The following CDK13 variants were observed in gnomAD, a reference collection of about 807,000 sequenced individuals.
CDK13 encodes cyclin dependent kinase 13.
Under a neutral mutation model 137.6 loss-of-function variants are expected in CDK13, and 40 were observed. That is an observed-to-expected ratio of 0.29 (90% CI 0.23 to 0.38). The LOEUF (loss-of-function observed/expected upper bound fraction) is 0.38, where lower values mean the gene tolerates loss of function less well. CDK13 is among the 10% of genes least tolerant of loss of function. The probability of loss-of-function intolerance (pLI) is 1.00; values close to 1 mark genes in which losing one functional copy is unlikely to be tolerated. For synonymous variants in CDK13, 869 were observed against 760.1 expected (o/e 1.14, Z -2.36); for missense variants, 1,704 against 1,951.8 (o/e 0.87, Z 2.39).
rs1474193922 is a variant in CDK13 at position 39,951,253 on chromosome 7, C to T, written c.612C>T (p.Ser204=). The T allele has an allele frequency of 2.3e-6, 3 of 1,316,544 alleles. No homozygotes were observed. Among genetic ancestry groups the T allele is most frequent in the African/African-American group, 3.1e-5 (2 of 64,568 alleles). The allele number at this position is 1,316,544 out of a possible 1,614,324, so 81.6% of individuals were successfully genotyped here. ...SERRPRRDRR[S]SSGRSKERHR... ...GCAGGCCCCGCCGGGACCGCCGCAGCAGCAGTGGCCGCAGCAAGGAGCGCC... is the reference window on the plus strand; with the variant it reads ...GCAGGCCCCGCCGGGACCGCCGCAGTAGCAGTGGCCGCAGCAAGGAGCGCC... Residue 204 remains serine (S), a synonymous_variant, in exon 1 of 14, where the codon AGC becomes AGT. Coordinates refer to ENST00000181839, the MANE Select transcript of CDK13 (RefSeq NM_003718.5).
At chr7:40,004,231 G>C (rs114940459) in intron 5 of CDK13, among the ~76,000 whole-genome samples, 2 of 151,766 alleles carry the variant, frequency 1.3e-5, no homozygotes, top group African/African-American at 4.8e-5. Context: ...TTCTTTATCA[G>C]GTTATAAATT....
chr7:39,992,200 G>GTGTA (rs1355123496), intron 2 of CDK13, among the ~76,000 whole-genome samples: 2 of 138,374 alleles, frequency 1.4e-5, no homozygotes, highest in East Asian at 2.2e-4. Flanking sequence ...GTGTGTGTGT[G>GTGTA]TATACACTTC....
At chr7:40,030,381 G>A in intron 5 of CDK13, among the ~76,000 whole-genome samples, 1 of 148,436 alleles carries the variant, frequency 6.7e-6, no homozygotes, top group East Asian at 2.0e-4. Context: ...TAAAAGTCCA[G>A]TGTTCATCCT....
At chr7:40,051,200 T>C (rs1411100701) in intron 7 of CDK13, among the ~76,000 whole-genome samples, 1 of 152,022 alleles carries the variant, frequency 6.6e-6, no homozygotes, top group East Asian at 1.9e-4. Flanking sequence ...ATTCAGTCTG[T>C]CATTTTGTTT....
intron 2 of CDK13, among the ~76,000 whole-genome samples, chr7:39,990,022 G>A (rs544202493): frequency 3.3e-5 from 5 of 152,268 alleles, no homozygotes; most frequent in East Asian, 1.9e-4. Flanking sequence ...CTGACCTCAC[G>A]ATCCACTTGC....
rs1159434067 is a variant in CDK13, at chr7:39,950,276, G to A, written c.-366G>A. On this transcript the variant is annotated 5_prime_UTR_variant, in exon 1 of 14. Transcript: ENST00000181839. Reference sequence around the variant, plus strand: ...GTGGTACTTCCGCGTTGCGCTGCCCGAGCCGAGAGCGCGGCCAAGGCCGCT... The same window carrying A: ...GTGGTACTTCCGCGTTGCGCTGCCCAAGCCGAGAGCGCGGCCAAGGCCGCT... 1 of 1,057,578 alleles carries A rather than the reference G, an allele frequency of 9.5e-7. No homozygotes were observed. Among genetic ancestry groups the A allele is most frequent in the Non-Finnish European group, 1.1e-6 (1 of 877,004 alleles). The allele number at this position is 1,057,578 out of a possible 1,614,324, so 65.5% of individuals were successfully genotyped here. A position where few individuals can be genotyped will look rare whatever the true frequency, so the allele number is the denominator to read the frequency against.
rs374131142 is a variant in CDK13 at position 39,956,394 on chromosome 7, C to T, written c.1211+4542C>T. ...CTCAGTCCTTATCACATTTCTTTTC[C>T]GCTAACGCTAATATTTATTTCTTTC... On this transcript the variant is annotated intron_variant, in intron 1 of 13. Transcript: ENST00000181839. Among the ~76,000 whole-genome samples, 65 of 152,248 alleles carry T rather than the reference C, an allele frequency of 4.3e-4. 1 individual carries two copies. The South Asian group carries it at 0.012, about 28-fold the overall frequency.
intron 5 of CDK13, among the ~76,000 whole-genome samples, chr7:40,030,555 C>T (rs1347272119): frequency 6.6e-6 from 1 of 151,186 alleles, no homozygotes; most frequent in African/African-American, 2.4e-5. Context: ...TGCGCACCAC[C>T]ATGCCTGGCT....
intron 2 of CDK13, among the ~76,000 whole-genome samples, chr7:39,992,163 G>A (rs1406138761): frequency 3.4e-5 from 5 of 146,310 alleles, no homozygotes; most frequent in African/African-American, 1.3e-4. Flanking sequence ...AACTAATGAG[G>A]GTGTGTGTGT....
chr7:39,976,370 G>A (rs1784113578), intron 1 of CDK13, among the ~76,000 whole-genome samples: 1 of 125,326 alleles, frequency 8.0e-6, no homozygotes, highest in South Asian at 2.6e-4. Context: ...GAAACAAATG[G>A]AGGAGAAAGA....
intron 5 of CDK13, among the ~76,000 whole-genome samples, chr7:40,003,219 CTCTCTCTT>C (rs1173924924): frequency 2.7e-5 from 4 of 150,392 alleles, no homozygotes; most frequent in Non-Finnish European, 5.9e-5. Flanking sequence ...CTCTCTCTCT[CTCTCTCTT>C]ACTCTGTTGA....
chr7:39,979,331 C>G (rs887429006), intron 1 of CDK13, among the ~76,000 whole-genome samples: 5 of 151,804 alleles, frequency 3.3e-5, no homozygotes, highest in African/African-American at 1.2e-4. Flanking sequence ...ATTCTCCTGC[C>G]TCAGCCTCCC....
At chr7:40,007,763 A>G (rs1375301396) in intron 5 of CDK13, among the ~76,000 whole-genome samples, 1 of 152,120 alleles carries the variant, frequency 6.6e-6, no homozygotes. Flanking sequence ...TCATGTTTTC[A>G]TATCTTATTC....
At chr7:40,044,007 C>A (rs1332102323) in intron 5 of CDK13, among the ~76,000 whole-genome samples, 2 of 150,182 alleles carry the variant, frequency 1.3e-5, no homozygotes, top group East Asian at 3.9e-4. Flanking sequence ...AGTGATTCTT[C>A]TGCCTCAGCC....
At chr7:40,044,888 G>A (rs1270059399) in intron 5 of CDK13, among the ~76,000 whole-genome samples, 1 of 150,632 alleles carries the variant, frequency 6.6e-6, no homozygotes, top group Non-Finnish European at 1.5e-5. Context: ...CGCCCACCTT[G>A]GCCTCCCAAA....
intron 5 of CDK13, among the ~76,000 whole-genome samples, chr7:40,022,782 A>T (rs1785154874): frequency 6.6e-6 from 1 of 152,026 alleles, no homozygotes; most frequent in East Asian, 1.9e-4. Context: ...TACTCCTGTT[A>T]AAACTAGAAT....
intron 5 of CDK13, among the ~76,000 whole-genome samples, chr7:40,005,414 C>T (rs1784777800): frequency 6.6e-6 from 1 of 151,696 alleles, no homozygotes; most frequent in South Asian, 2.1e-4. Flanking sequence ...CTCAGCCTTC[C>T]AAGTAGCCAG....
chr7:39,951,677 G>A lies in CDK13; in HGVS notation c.1036G>A (p.Gly346Ser). The A allele has an allele frequency of 6.8e-7, 1 of 1,468,574 alleles. No individual in the cohort carries two copies. Among genetic ancestry groups the A allele is most frequent in the South Asian group, 1.4e-5 (1 of 72,124 alleles). 91.0% of individuals were successfully genotyped at this position (1,468,574 alleles called of 1,614,324 possible). Residue 346 changes from glycine (G) to serine (S), a missense_variant, in exon 1 of 14, where the codon GGT (glycine) becomes AGT (serine). Physicochemically the swap from Gly to Ser is moderately conservative, Grantham distance 56. Around this residue, in one of 5 missense-constraint regions of CDK13, gnomAD observed 1,051 missense variants for 931.0 expected, o/e 1.13. Transcript: ENST00000181839. ...CCGCAAGTCCCCCAGCCCGGCAGGA[G>A]GTGGCAGCAGCCCCTATTCTCGGCG... is the stretch of plus-strand genomic sequence containing the variant. Reference protein sequence around the residue: ...RSRKSPSPAGGGSSPYSRRLP... With the variant: ...RSRKSPSPAGSGSSPYSRRLP...
intron 5 of CDK13, among the ~76,000 whole-genome samples, chr7:40,007,647 T>G (rs1784820204): frequency 6.6e-6 from 1 of 152,104 alleles, no homozygotes; most frequent in Non-Finnish European, 1.5e-5. Context: ...AGCCTGGTTT[T>G]GAACTCTTGA....
Sources: allele counts gnomAD v4.1 joint callset (sites outside exome capture counted in the v4.1 genomes callset), GRCh38; gene constraint gnomAD v4.1.1; regional missense constraint gnomAD v4.1.1; transcripts MANE v1.5; gene names NCBI Gene and HGNC (gene_info 2026-07-23, HGNC 2026-07-21).